The following C1QC variants were observed in gnomAD, a reference collection of about 807,000 sequenced individuals.
The protein encoded by C1QC is complement C1q C chain.
Under a neutral mutation model 5.9 loss-of-function variants are expected in C1QC, and 4 were observed. That is an observed-to-expected ratio of 0.68 (90% confidence interval 0.33 to 1.55). The LOEUF (loss-of-function observed/expected upper bound fraction) is 1.55, where lower values mean the gene tolerates loss of function less well. Among genes scored for constraint, C1QC ranks in the 40% most tolerant of loss-of-function variants. C1QC has a pLI of 0.06. For synonymous variants in C1QC, 166 were observed against 153.8 expected (o/e 1.08, Z -0.59); for missense variants, 299 against 326.9 (o/e 0.91, Z 0.66).
At chr1:22,646,113 C>CT (rs1407267492) in intron 2 of C1QC, among the ~76,000 whole-genome samples, 1 of 152,198 alleles carries the variant, frequency 6.6e-6, no homozygotes, top group Non-Finnish European at 1.5e-5. Flanking sequence ...CTGACTCCAC[C>CT]TCAAACTGGC....
intron 2 of C1QC, 114 bp from the exon 3 acceptor site, chr1:22,647,113 A>T: frequency 8.0e-7 from 1 of 1,246,698 alleles, no homozygotes; most frequent in Non-Finnish European, 1.1e-6. Flanking sequence ...CCCATCTATG[A>T]GAAGGAGATT....
rs1394150812 is a variant in C1QC, at chr1:22,643,643, T to C, written c.-85T>C. The C allele has an allele frequency of 4.8e-6, 5 of 1,049,244 alleles. No homozygotes were observed. Among genetic ancestry groups the C allele is most frequent in the Non-Finnish European group, 5.7e-6 (5 of 871,650 alleles). 65.0% of individuals were successfully genotyped at this position (1,049,244 alleles called of 1,614,324 possible). ...TTGCTCTGACCACTCAGACACCGTG[T>C]CCTCTTGCCTGGGAGAGGGGAAGCA... is the stretch of plus-strand genomic sequence containing the variant. On this transcript the variant is annotated 5_prime_UTR_variant, in exon 1 of 3. Transcript: ENST00000374640.
chr1:22,645,270 G>C (rs928439770), intron 2 of C1QC, among the ~76,000 whole-genome samples: 2 of 152,050 alleles, frequency 1.3e-5, no homozygotes, highest in African/African-American at 4.8e-5. Context: ...CCAGGAGCTT[G>C]TACTTCACAG....
At position 22,643,703 on chromosome 1, in the gene C1QC, G is replaced by T; in HGVS notation, c.-25G>T. 1 of 1,179,222 alleles carries T rather than the reference G, an allele frequency of 8.5e-7. No individual in the cohort carries two copies. The highest frequency in any genetic ancestry group is 3.4e-5 in the South Asian group (1 of 29,364). 73.0% of individuals were successfully genotyped at this position (1,179,222 alleles called of 1,614,324 possible). Reference sequence around the variant, plus strand: ...ACATCTCTGTGCCAGGCCAGAAACCGCCCACCTGCAGGTGAGGCCCGGACC... The same window carrying T: ...ACATCTCTGTGCCAGGCCAGAAACCTCCCACCTGCAGGTGAGGCCCGGACC... On this transcript the variant is annotated 5_prime_UTR_variant, in exon 1 of 3. Coordinates refer to ENST00000374640, the MANE Select transcript of C1QC (RefSeq NM_172369.5).
chr1:22,644,239 T>C, intron 2 of C1QC, 35 bp downstream of exon 2: 2 of 1,522,004 alleles, frequency 1.3e-6, no homozygotes, highest in South Asian at 2.5e-5. Flanking sequence ...GGTTTGGGTC[T>C]GGGGCAGGGA....
At chr1:22,644,275 A>G in intron 2 of C1QC, 71 bp downstream of exon 2, 1 of 1,452,654 alleles carries the variant, frequency 6.9e-7, no homozygotes, top group Non-Finnish European at 9.2e-7. Context: ...GGGGCTGACC[A>G]AGGGGGCGGG....
chr1:22,643,998 C>T lies in C1QC; in HGVS notation c.-13-13C>T, dbSNP rs749324744. 6.3e-7 allele frequency: 1 copy of T among 1,590,384 alleles called. No individual in the cohort carries two copies. Among genetic ancestry groups the T allele is most frequent in the South Asian group, 1.2e-5 (1 of 86,732 alleles). ...AGGGGCTGGCGGGGACAGCTCAGCT[C>T]TCTCCCTCCCAGTTCCTTCTCCGGG... On this transcript the variant is annotated splice_polypyrimidine_tract_variant and intron_variant, in intron 1 of 2. Coordinates refer to ENST00000374640, the MANE Select transcript of C1QC (RefSeq NM_172369.5).
At chr1:22,647,169 G>A in intron 2 of C1QC, 58 bp from the exon 3 acceptor site, 2 of 1,582,794 alleles carry the variant, frequency 1.3e-6, no homozygotes, top group East Asian at 2.2e-5. Flanking sequence ...GACACCCTCA[G>A]GGTCCCTCCT....
chr1:22,643,828 C>G, intron 1 of C1QC, 114 bp downstream of exon 1: 1 of 1,356,994 alleles, frequency 7.4e-7, no homozygotes, highest in Non-Finnish European at 9.5e-7. Context: ...AAGGAGGGTT[C>G]CCACTCCTGC....
rs189848239 is a variant in C1QC at position 22,647,809 on chromosome 1, C to T, written c.*26C>T. 3.1e-5 allele frequency: 49 copies of T among 1,598,636 alleles called. No homozygotes were observed. Among genetic ancestry groups the T allele is most frequent in the African/African-American group, 1.2e-4 (9 of 75,014 alleles). ...GGCGGGCAGATGCGCTCGAGCCCCACGGGCCTTCCACCTCCCTCAGCTTCC... is the reference window on the plus strand; with the variant it reads ...GGCGGGCAGATGCGCTCGAGCCCCATGGGCCTTCCACCTCCCTCAGCTTCC... On this transcript the variant is annotated 3_prime_UTR_variant, in exon 3 of 3. Transcript: ENST00000374640.
chr1:22,644,106 C>T lies in C1QC; in HGVS notation c.83C>T (p.Ala28Val). 1.3e-6 allele frequency: 2 copies of T among 1,581,258 alleles called. No individual in the cohort carries two copies. Among genetic ancestry groups the T allele is most frequent in the Non-Finnish European group, 1.7e-6 (2 of 1,164,562 alleles). The stretch of plus-strand genomic sequence containing the variant: ...CTGCTGCTGCCCCTCAGGGGCCAAG[C>T]CAACACAGGCTGCTACGGGATCCCA... ...LLLLLPLRGQ[A>V]NTGCYGIPGM... The change falls in exon 2 of 3, where the codon GCC becomes GTC. Residue 28 changes from alanine to valine, a missense_variant. This residue lies in a region of C1QC where 146 missense variants were observed against 144.1 expected (regional missense o/e 1.01). Coordinates refer to ENST00000374640, the MANE Select transcript of C1QC (RefSeq NM_172369.5).
intron 2 of C1QC, among the ~76,000 whole-genome samples, chr1:22,646,064 G>C (rs182050936): frequency 2.6e-5 from 4 of 152,358 alleles, no homozygotes; most frequent in Admixed American, 2.6e-4. Flanking sequence ...GGCTGGAACA[G>C]AGTGAGACAC....
At position 22,647,218 on chromosome 1, in the gene C1QC, C is replaced by T; in HGVS notation, c.182-9C>T. ...CCTATCACTTTCTCTCTGCCTTCTC[C>T]ATCTCCAGGAATCCCAGCCATTCCC... is the stretch of plus-strand genomic sequence containing the variant. On this transcript the variant is annotated splice_polypyrimidine_tract_variant and intron_variant, in intron 2 of 2. Coordinates refer to ENST00000374640, the MANE Select transcript of C1QC (RefSeq NM_172369.5). The T allele has an allele frequency of 6.2e-7, 1 of 1,602,382 alleles. No homozygotes were observed. The highest frequency in any genetic ancestry group is 8.5e-7 in the Non-Finnish European group (1 of 1,179,824).
rs1431173164 is a variant in C1QC at position 22,647,816 on chromosome 1, T to G, written c.*33T>G. 6.3e-7 allele frequency: 1 copy of G among 1,598,322 alleles called. No homozygotes were observed. The highest frequency in any genetic ancestry group is 2.2e-5 in the East Asian group (1 of 44,846). ...AGATGCGCTCGAGCCCCACGGGCCT[T>G]CCACCTCCCTCAGCTTCCTGCATGG... On this transcript the variant is annotated 3_prime_UTR_variant, in exon 3 of 3. Transcript: ENST00000374640.
At chr1:22,646,295 A>G (rs1403440854) in intron 2 of C1QC, among the ~76,000 whole-genome samples, 3 of 152,208 alleles carry the variant, frequency 2.0e-5, no homozygotes, top group Non-Finnish European at 4.4e-5. Context: ...AGTGGTTCCC[A>G]TGTGCTAACC....
At position 22,647,514 on chromosome 1, in the gene C1QC, A is replaced by G. The variant is rs765995861; in HGVS notation, c.469A>G (p.Lys157Glu). The change falls in exon 3 of 3, where the codon AAG (lysine) becomes GAG (glutamate). Residue 157 changes from lysine to glutamate, a missense_variant. Physicochemically the swap from Lys to Glu is moderately conservative, Grantham distance 56 (BLOSUM62 1). Around this residue, in one of 3 missense-constraint regions of C1QC, gnomAD observed 144 missense variants for 155.1 expected, o/e 0.93. Transcript: ENST00000374640. ...GGGAGATTATGACACGAGCACTGGC[A>G]AGTTCACCTGCAAAGTCCCCGGCCT... ...PQGDYDTSTGKFTCKVPGLYY... is the reference protein window; with the variant it reads ...PQGDYDTSTGEFTCKVPGLYY... 4.3e-6 allele frequency: 7 copies of G among 1,614,218 alleles called. No individual in the cohort carries two copies. The South Asian group carries it at 7.7e-5, about 18-fold the overall frequency.
rs2148294334 is a variant in C1QC at position 22,643,961 on chromosome 1, TG to T, written c.-13-45del. On this transcript the variant is annotated intron_variant, in intron 1 of 2. Transcript: ENST00000374640. ...GACGGGCCCTGGGGAATGAGAGGGT[TG>T]GGGGCAGGTGAGGGGCTGGCGGGGA... The T allele has an allele frequency of 1.4e-5, 22 of 1,553,820 alleles. No homozygotes were observed. The South Asian group carries it at 2.7e-4, about 19-fold the overall frequency.
rs45611035 is a variant in C1QC, at chr1:22,643,697, G to T, written c.-31G>T. ...CTGAGGACATCTCTGTGCCAGGCCA[G>T]AAACCGCCCACCTGCAGGTGAGGCC... is the stretch of plus-strand genomic sequence containing the variant. On this transcript the variant is annotated 5_prime_UTR_variant, in exon 1 of 3. Transcript: ENST00000374640. 1,059 of 1,171,582 alleles carry T rather than the reference G, an allele frequency of 9.0e-4. 17 individuals are homozygous for T. In the East Asian group the frequency reaches 0.028, roughly 31 times the overall value. The allele number at this position is 1,171,582 out of a possible 1,614,324, so 72.6% of individuals were successfully genotyped here. A position where few individuals can be genotyped will look rare whatever the true frequency, so the allele number is the denominator to read the frequency against.
In C1QC at chr1:22,643,702, C is replaced by T. The variant is rs188589584; in HGVS notation, c.-26C>T. 10 of 1,179,820 alleles carry T rather than the reference C, an allele frequency of 8.5e-6. No homozygotes were observed. In the Admixed American group the frequency reaches 2.6e-4, roughly 31 times the overall value. The allele number at this position is 1,179,820 out of a possible 1,614,324, so 73.1% of individuals were successfully genotyped here. Reference sequence around the variant, plus strand: ...GACATCTCTGTGCCAGGCCAGAAACCGCCCACCTGCAGGTGAGGCCCGGAC... The same window carrying T: ...GACATCTCTGTGCCAGGCCAGAAACTGCCCACCTGCAGGTGAGGCCCGGAC... On this transcript the variant is annotated 5_prime_UTR_variant, in exon 1 of 3. Transcript: ENST00000374640.
Sources: allele counts gnomAD v4.1 joint callset (sites outside exome capture counted in the v4.1 genomes callset), GRCh38; gene constraint gnomAD v4.1.1; regional missense constraint gnomAD v4.1.1; transcripts MANE v1.5; gene names NCBI Gene and HGNC (gene_info 2026-07-23, HGNC 2026-07-21).